The following WDR74 variants were observed in gnomAD, a reference collection of about 807,000 sequenced individuals.
The protein encoded by WDR74 is WD repeat domain 74.
In WDR74, 31 loss-of-function variants were observed where a neutral mutation model predicts 45.6. That is an observed-to-expected ratio of 0.68 (90% confidence interval 0.51 to 0.92). The LOEUF (loss-of-function observed/expected upper bound fraction) is 0.92, where lower values mean the gene tolerates loss of function less well. WDR74 is among the 40% of genes least tolerant of loss of function. WDR74 has a pLI of 0.00. For synonymous variants in WDR74, 191 were observed against 192.4 expected (o/e 0.99, Z 0.06); for missense variants, 455 against 497.2 (o/e 0.92, Z 0.81).
In WDR74 at chr11:62,839,421, A is replaced by G. The variant is rs1354270822; in HGVS notation, c.72T>C (p.Asn24=). ...GTETGILKGV[N]LQRKQAANFT... Reference sequence around the variant, plus strand: ...AGTTCGCCGCCTGTTTTCGCTGAAGATTTACCCCTGAGAGACGAAGGCGTC... The same window carrying G: ...AGTTCGCCGCCTGTTTTCGCTGAAGGTTTACCCCTGAGAGACGAAGGCGTC... The change falls in exon 2 of 11, where the codon AAT becomes AAC. Residue 24 remains asparagine, a synonymous_variant. Transcript: ENST00000278856. 6.2e-7 allele frequency: 1 copy of G among 1,613,208 alleles called. No individual in the cohort carries two copies. Among genetic ancestry groups the G allele is most frequent in the East Asian group, 2.2e-5 (1 of 44,860 alleles).
intron 3 of WDR74, chr11:62,836,262 TTCCTAA>T (rs1490412806): frequency 8.0e-6 from 4 of 501,546 alleles, no homozygotes; most frequent in African/African-American, 7.7e-5. Context: ...AGCTTCCAGC[TTCCTAA>T]TCTGTTAATT....
At position 62,833,807 on chromosome 11, in the gene WDR74, C is replaced by A. The variant is rs776879177; in HGVS notation, c.906G>T (p.Arg302=). The stretch of plus-strand genomic sequence containing the variant: ...GACAACTTACCTTATGCTCCAGACC[C>A]CGTGGATTCTGGATCCTGTGTATCC... ...VLRIHRIQNP[R]GLEHKVYLKS... is the part of the protein sequence containing the mutation. Residue 302 remains arginine (R), a synonymous_variant, in exon 9 of 11, where the codon CGG becomes CGT. Coordinates refer to ENST00000278856, the MANE Select transcript of WDR74 (RefSeq NM_001369450.1). 1 of 1,613,870 alleles carries A rather than the reference C, an allele frequency of 6.2e-7. No homozygotes were observed. Among genetic ancestry groups the A allele is most frequent in the Non-Finnish European group, 8.5e-7 (1 of 1,179,830 alleles).
chr11:62,833,960 G>T (rs370677198), intron 8 of WDR74, 23 bp from the exon 9 acceptor site: 1 of 1,609,122 alleles, frequency 6.2e-7, no homozygotes, highest in Non-Finnish European at 8.5e-7. Flanking sequence ...GGAAGCATCC[G>T]TGATAACTGG....
chr11:62,839,442 G>A lies in WDR74; in HGVS notation c.65-14C>T, dbSNP rs748874864. ...GAAGATTTACCCCTGAGAGACGAAG[G>A]CGTCAGTCACGCCAGGGGCGCGAGT... is the stretch of plus-strand genomic sequence containing the variant. On this transcript the variant is annotated splice_polypyrimidine_tract_variant and intron_variant, in intron 1 of 10. Transcript: ENST00000278856. 6.2e-7 allele frequency: 1 copy of A among 1,613,510 alleles called. No individual in the cohort carries two copies. The highest frequency in any genetic ancestry group is 8.5e-7 in the Non-Finnish European group (1 of 1,179,862).
upstream of WDR74, chr11:62,839,820 C>G (rs1338688794): frequency 2.0e-5 from 11 of 560,740 alleles, no homozygotes; most frequent in East Asian, 3.0e-5. Context: ...CCGGATCAAG[C>G]CAGCCCTAGT....
At chr11:62,834,083 G>A in intron 8 of WDR74, 146 bp from the exon 9 acceptor site, 2 of 1,425,458 alleles carry the variant, frequency 1.4e-6, no homozygotes, top group Non-Finnish European at 1.9e-6. Context: ...CCATTTCGCA[G>A]GTGAGGAAAC....
chr11:62,834,253 C>G (rs988529659), intron 8 of WDR74, 23 bp downstream of exon 8: 29 of 1,613,794 alleles, frequency 1.8e-5, no homozygotes, highest in Non-Finnish European at 2.3e-5. Context: ...TTCCTTTCCC[C>G]CAATGTACCC....
upstream of WDR74, chr11:62,841,554 C>A (rs373119725): frequency 6.6e-6 from 1 of 152,210 alleles, no homozygotes; most frequent in Admixed American, 6.5e-5. Flanking sequence ...AAGAACATAA[C>A]TATTTAGCTT....
At chr11:62,836,219 C>G (rs1479446911) in intron 3 of WDR74, 183 bp from the exon 4 acceptor site, 1 of 606,610 alleles carries the variant, frequency 1.6e-6, no homozygotes, top group Admixed American at 2.9e-5. Context: ...AGAAGGAAGC[C>G]TCTAGGTCAC....
chr11:62,841,523 A>T (rs898613439), upstream of WDR74: 5 of 151,928 alleles, frequency 3.3e-5, no homozygotes, highest in Non-Finnish European at 5.9e-5. Flanking sequence ...CGATAAAAAC[A>T]CCTAATCCAA....
intron 3 of WDR74, 90 bp downstream of exon 3, chr11:62,839,024 A>C: frequency 1.9e-6 from 3 of 1,562,034 alleles, no homozygotes; most frequent in Non-Finnish European, 2.6e-6. Context: ...CGTGTCACTA[A>C]GAGTTTGCCT....
rs1219098393 is a variant in WDR74 at position 62,835,741 on chromosome 11, A to T, written c.470T>A (p.Ile157Lys). 1.2e-6 allele frequency: 2 copies of T among 1,613,776 alleles called. No individual in the cohort carries two copies. The highest frequency in any genetic ancestry group is 1.7e-5 in the Admixed American group (1 of 59,986). ...TTCCTCAGAGCCCTGCAGGTCCCATATCTTCAAAGCATTCTCTTTCCCACC... is the reference window on the plus strand; with the variant it reads ...TTCCTCAGAGCCCTGCAGGTCCCATTTCTTCAAAGCATTCTCTTTCCCACC... The part of the protein sequence containing the change: ...ATGGKENALK[I>K]WDLQGSEEPV... The change falls in exon 5 of 11, where the codon ATA (isoleucine) becomes AAA (lysine). Residue 157 changes from isoleucine to lysine, a missense_variant. Transcript: ENST00000278856.
chr11:62,839,868 C>A, upstream of WDR74: 1 of 395,260 alleles, frequency 2.5e-6, no homozygotes, highest in East Asian at 4.2e-5. Context: ...GTGTTCTGGA[C>A]TGTTAGACAA....
intron 5 of WDR74, 33 bp from the exon 6 acceptor site, chr11:62,835,565 TG>T (rs1565221672): frequency 1.2e-6 from 2 of 1,613,172 alleles, no homozygotes. Flanking sequence ...GACAGGGCTA[TG>T]GGGGGCTCGA....
intron 6 of WDR74, 117 bp downstream of exon 6, chr11:62,835,314 G>T: frequency 1.1e-6 from 1 of 888,888 alleles, no homozygotes. Context: ...AGACGGGGAA[G>T]CGCTTGCTCC....
upstream of WDR74, among the ~76,000 whole-genome samples, chr11:62,841,281 C>T (rs1030332166): frequency 2.0e-5 from 3 of 152,076 alleles, no homozygotes; most frequent in Non-Finnish European, 4.4e-5. Context: ...CATGCCATTG[C>T]ACTCTAGCCT....
At chr11:62,838,835 G>A (rs1419841199) in intron 3 of WDR74, among the ~76,000 whole-genome samples, 1 of 152,002 alleles carries the variant, frequency 6.6e-6, no homozygotes, top group African/African-American at 2.4e-5. Context: ...TTACTTAGAG[G>A]ATTATAATGG....
At chr11:62,838,241 G>A (rs951200789) in intron 3 of WDR74, among the ~76,000 whole-genome samples, 2 of 151,978 alleles carry the variant, frequency 1.3e-5, no homozygotes, top group East Asian at 1.9e-4. Context: ...CAACCTCTGC[G>A]GGACGGATTC....
chr11:62,833,893 C>A lies in WDR74; in HGVS notation c.820G>T (p.Gly274Trp). ...CLKGLAGSVR[G>W]LQCHPSKPLL... ...GGCTTTGAAGGGTGGCACTGCAACC[C>A]ACGCACACTGCCTGCCAGCCCCTTC... Residue 274 changes from glycine (G) to tryptophan (W), a missense_variant, in exon 9 of 11, where the codon GGG (glycine) becomes TGG (tryptophan). Coordinates refer to ENST00000278856, the MANE Select transcript of WDR74 (RefSeq NM_001369450.1). 6.2e-7 allele frequency: 1 copy of A among 1,614,010 alleles called. No homozygotes were observed. The highest frequency in any genetic ancestry group is 1.1e-5 in the South Asian group (1 of 91,086).
Sources: gnomAD v4.1 joint callset for allele counts (sites outside exome capture counted in the v4.1 genomes callset) on GRCh38, gnomAD v4.1.1 for gene constraint, MANE v1.5 for transcripts, NCBI Gene and HGNC (gene_info 2026-07-23, HGNC 2026-07-21) for gene names.